PTDSS1: variants seen among roughly 807,000 people sequenced by gnomAD.
PTDSS1 encodes the protein phosphatidylserine synthase 1.
In PTDSS1, 45 loss-of-function variants were observed where a neutral mutation model predicts 70.5. The observed-to-expected ratio is 0.64, with a 90% confidence interval of 0.50 to 0.82. PTDSS1 has a LOEUF of 0.82. PTDSS1 is among the 40% of genes least tolerant of loss of function. The pLI is 0.00. For synonymous variants in PTDSS1, 188 were observed against 203.8 expected (o/e 0.92, Z 0.66); for missense variants, 417 against 586.1 (o/e 0.71, Z 2.98).
chr8:96,298,173 C>T (rs1811001612), intron 5 of PTDSS1, among the ~76,000 whole-genome samples: 1 of 152,134 alleles, frequency 6.6e-6, no homozygotes, highest in African/African-American at 2.4e-5. Context: ...AGGGTAGTAC[C>T]AGGCCCCTGG....
chr8:96,333,335 C>G lies in PTDSS1; in HGVS notation c.1313-122C>G, dbSNP rs1238139280. 7 of 805,788 alleles carry G rather than the reference C, an allele frequency of 8.7e-6. No homozygotes were observed. The East Asian group carries it at 1.7e-4, about 20-fold the overall frequency. 49.9% of individuals were successfully genotyped at this position (805,788 alleles called of 1,614,324 possible). On this transcript the variant is annotated intron_variant, in intron 12 of 12. Transcript: ENST00000517309. ...TCGCCTTCATTTATGAATGAGGCCACTAGGGGGAGTGCACGTATCAGGGAA... is the reference window on the plus strand; with the variant it reads ...TCGCCTTCATTTATGAATGAGGCCAGTAGGGGGAGTGCACGTATCAGGGAA...
chr8:96,279,848 A>AATAC (rs1351587040), intron 2 of PTDSS1, among the ~76,000 whole-genome samples: 1 of 151,124 alleles, frequency 6.6e-6, no homozygotes, highest in African/African-American at 2.5e-5. Flanking sequence ...TAAATAAATA[A>AATAC]ATAAATTTTC....
intron 1 of PTDSS1, among the ~76,000 whole-genome samples, chr8:96,271,796 C>CT (rs1810570276): frequency 6.6e-6 from 1 of 152,184 alleles, no homozygotes; most frequent in Non-Finnish European, 1.5e-5. Context: ...GGCTGACCAT[C>CT]TTTTCACTTC....
At chr8:96,322,136 C>T (rs753135546) in intron 10 of PTDSS1, among the ~76,000 whole-genome samples, 12 of 152,126 alleles carry the variant, frequency 7.9e-5, no homozygotes, top group Non-Finnish European at 1.3e-4. Flanking sequence ...CTCCTCACCA[C>T]AGCAAATCAC....
At chr8:96,317,289 A>G (rs550836640) in intron 9 of PTDSS1, among the ~76,000 whole-genome samples, 6 of 151,716 alleles carry the variant, frequency 4.0e-5, no homozygotes, top group Non-Finnish European at 8.8e-5. Context: ...CTCCACACTT[A>G]TGTAATCCCA....
At chr8:96,328,211 C>T (rs1192870966) in intron 10 of PTDSS1, among the ~76,000 whole-genome samples, 1 of 152,134 alleles carries the variant, frequency 6.6e-6, no homozygotes, top group African/African-American at 2.4e-5. Flanking sequence ...GTTGAGGGAC[C>T]CGCCTCCCCA....
At chr8:96,268,506 T>C (rs1810518308) in intron 1 of PTDSS1, among the ~76,000 whole-genome samples, 1 of 152,126 alleles carries the variant, frequency 6.6e-6, no homozygotes, top group African/African-American at 2.4e-5. Context: ...GTCTAAAAGA[T>C]TGTAGGCAAG....
At chr8:96,312,238 G>GC (rs1401628874) in intron 9 of PTDSS1, among the ~76,000 whole-genome samples, 1 of 152,172 alleles carries the variant, frequency 6.6e-6, no homozygotes, top group Non-Finnish European at 1.5e-5. Context: ...ATCGCTTGAC[G>GC]CCCGGAGTTT....
At chr8:96,287,378 T>C (rs1389077241) in intron 4 of PTDSS1, 2 of 502,936 alleles carry the variant, frequency 4.0e-6, no homozygotes, top group Admixed American at 3.7e-5. Context: ...ATGCACACTT[T>C]ATCGTCAGAC....
intron 2 of PTDSS1, 58 bp downstream of exon 2, chr8:96,273,448 G>C (rs999819765): frequency 7.9e-7 from 1 of 1,265,678 alleles, no homozygotes; most frequent in Non-Finnish European, 1.1e-6. Context: ...TGGTTTTTTT[G>C]AGATGTGAGT....
At position 96,334,844 on chromosome 8, in the gene PTDSS1, G is replaced by A. The variant is rs924367421; in HGVS notation, c.*1278G>A. On this transcript the variant is annotated 3_prime_UTR_variant, in exon 13 of 13. Coordinates refer to ENST00000517309, the MANE Select transcript of PTDSS1 (RefSeq NM_014754.3). The stretch of plus-strand genomic sequence containing the variant: ...CAAGAGGCCAGTACCCAGTTGATTA[G>A]CTTACAGATATCAACTCACTGAAAG... 5 of 152,122 alleles carry A rather than the reference G, an allele frequency of 3.3e-5. No homozygotes were observed. The highest frequency in any genetic ancestry group is 1.2e-4 in the African/African-American group (5 of 41,422). 9.4% of individuals were successfully genotyped at this position (152,122 alleles called of 1,614,324 possible).
At chr8:96,292,289 C>CAAAAAAAAAA (rs34282078) in intron 4 of PTDSS1, among the ~76,000 whole-genome samples, 1 of 87,844 alleles carries the variant, frequency 1.1e-5, no homozygotes, top group African/African-American at 3.5e-5. Flanking sequence ...AACGCTGTCT[C>CAAAAAAAAAA]AAAAAAAAAA....
intron 2 of PTDSS1, among the ~76,000 whole-genome samples, chr8:96,280,616 G>A (rs1449052892): frequency 6.6e-6 from 1 of 152,074 alleles, no homozygotes; most frequent in African/African-American, 2.4e-5. Flanking sequence ...TGGAAGGAAC[G>A]GTAAATAAAA....
At chr8:96,310,591 C>G (rs1195387555) in intron 9 of PTDSS1, among the ~76,000 whole-genome samples, 1 of 151,524 alleles carries the variant, frequency 6.6e-6, no homozygotes, top group Non-Finnish European at 1.5e-5. Flanking sequence ...CTGGATGTAT[C>G]TTGAGTTTGG....
chr8:96,314,548 C>T (rs1446211799), intron 9 of PTDSS1, among the ~76,000 whole-genome samples: 1 of 152,112 alleles, frequency 6.6e-6, no homozygotes, highest in Non-Finnish European at 1.5e-5. Context: ...TATCTTGCCA[C>T]ACCCCACCCC....
intron 5 of PTDSS1, among the ~76,000 whole-genome samples, chr8:96,299,175 G>A (rs1340349466): frequency 6.6e-6 from 1 of 152,192 alleles, no homozygotes; most frequent in Non-Finnish European, 1.5e-5. Flanking sequence ...GTTGGTGTGA[G>A]ATTTCCTATT....
chr8:96,319,282 G>C lies in PTDSS1; in HGVS notation c.1074-964G>C, dbSNP rs112996871. On this transcript the variant is annotated intron_variant, in intron 9 of 12. Transcript: ENST00000517309. ...ATGGAGTGTACAGATCTCATCTTGAGCAAGGAATGCATAAAATGGACTTGT... is the reference window on the plus strand; with the variant it reads ...ATGGAGTGTACAGATCTCATCTTGACCAAGGAATGCATAAAATGGACTTGT... Among the ~76,000 whole-genome samples, 136 of 152,208 alleles carry C rather than the reference G, an allele frequency of 8.9e-4. 3 individuals are homozygous for C. The highest frequency in any genetic ancestry group is 3.0e-3 in the African/African-American group (124 of 41,540).
chr8:96,296,022 T>C (rs1810969316), intron 5 of PTDSS1, among the ~76,000 whole-genome samples: 1 of 151,990 alleles, frequency 6.6e-6, no homozygotes, highest in Non-Finnish European at 1.5e-5. Flanking sequence ...TCAGGCTCCT[T>C]CTCTATCTTT....
At chr8:96,264,301 T>A (rs1296396346) in intron 1 of PTDSS1, among the ~76,000 whole-genome samples, 2 of 152,270 alleles carry the variant, frequency 1.3e-5, no homozygotes, top group Admixed American at 6.5e-5. Context: ...TAAATTCATC[T>A]TTTTAGATAA....
Sources: allele counts gnomAD v4.1 joint callset (sites outside exome capture counted in the v4.1 genomes callset), GRCh38; gene constraint gnomAD v4.1.1; transcripts MANE v1.5; gene names NCBI Gene and HGNC (gene_info 2026-07-23, HGNC 2026-07-21).